HMGCLL1: variants seen among roughly 807,000 people sequenced by gnomAD.
HMGCLL1 encodes 3-hydroxymethyl-3-methylglutaryl-CoA lyase, cytoplasmic.
A neutral mutation model predicts 39.1 loss-of-function variants in HMGCLL1; 36 were observed. That is an observed-to-expected ratio of 0.92 (90% CI 0.71 to 1.22). The LOEUF (loss-of-function observed/expected upper bound fraction) is 1.22. Among genes scored for constraint, HMGCLL1 ranks in the 50% most tolerant of loss-of-function variants. HMGCLL1 has a pLI of 0.00. For missense variants in HMGCLL1, 451 were observed against 416.5 expected, an observed-to-expected ratio of 1.08 and a Z score of -0.72; for synonymous variants, 149 against 144.0, an observed-to-expected ratio of 1.03 and a Z score of -0.25.
At chr6:55,615,455 A>C in the HMGCLL1 span, among the ~76,000 whole-genome samples, 1 of 152,298 alleles carries the variant, frequency 6.6e-6, no homozygotes, top group African/African-American at 2.4e-5. Flanking sequence ...ATGTACTTGC[A>C]GGTGGAGTGT....
At position 55,472,734 on chromosome 6, in the gene HMGCLL1, G is replaced by T. The variant is rs114794875; in HGVS notation, c.795+22685C>A. Among the ~76,000 whole-genome samples the T allele has an allele frequency of 7.3e-3, 1,103 of 151,456 alleles. 9 individuals are homozygous for T. The highest frequency in any genetic ancestry group is 0.019 in the African/African-American group (793 of 41,442). On this transcript the variant is annotated intron_variant, in intron 7 of 8. Transcript: ENST00000274901. The stretch of plus-strand genomic sequence containing the variant: ...CATTAATATGTATTCTGATATTATT[G>T]TATGGATGATTCACAAATGTCAATT...
chr6:55,466,992 G>A (rs73746308), intron 7 of HMGCLL1, among the ~76,000 whole-genome samples: 1 of 151,782 alleles, frequency 6.6e-6, no homozygotes, highest in Non-Finnish European at 1.5e-5. Context: ...TATAATTTTA[G>A]CTTTGTTTAA....
chr6:55,450,877 T>A (rs144802341), intron 7 of HMGCLL1, among the ~76,000 whole-genome samples: 292 of 152,278 alleles, frequency 1.9e-3, no homozygotes, highest in Non-Finnish European at 3.5e-3. Flanking sequence ...AGACAATACA[T>A]ATATCCCTTA....
chr6:55,554,849 T>C (rs2127467033), intron 1 of HMGCLL1, among the ~76,000 whole-genome samples: 1 of 152,350 alleles, frequency 6.6e-6, no homozygotes, highest in African/African-American at 2.4e-5. Context: ...TGAACTCATC[T>C]TTGATTCCTC....
intron 1 of HMGCLL1, among the ~76,000 whole-genome samples, chr6:55,553,750 T>C (rs1429799643): frequency 6.6e-6 from 1 of 152,270 alleles, no homozygotes; most frequent in East Asian, 1.9e-4. Context: ...TTTGCAAAAA[T>C]GGTAACTTAA....
At chr6:55,663,331 A>T in the HMGCLL1 span, among the ~76,000 whole-genome samples, 2 of 149,984 alleles carry the variant, frequency 1.3e-5, no homozygotes, top group East Asian at 1.9e-4. Context: ...AGTGCTATAA[A>T]TTTCCCTCTT....
chr6:55,558,017 C>G (rs957610459), intron 1 of HMGCLL1, among the ~76,000 whole-genome samples: 1 of 152,110 alleles, frequency 6.6e-6, no homozygotes, highest in Non-Finnish European at 1.5e-5. Context: ...GCTACAGAAC[C>G]CTGTCATGCT....
the HMGCLL1 span, among the ~76,000 whole-genome samples, chr6:55,597,279 TA>T: frequency 1.3e-5 from 2 of 152,116 alleles, no homozygotes; most frequent in Non-Finnish European, 2.9e-5. Flanking sequence ...TATATACTTT[TA>T]AAAAGATTAT....
chr6:55,591,329 T>A, the HMGCLL1 span, among the ~76,000 whole-genome samples: 1 of 151,946 alleles, frequency 6.6e-6, no homozygotes, highest in South Asian at 2.1e-4. Flanking sequence ...AAAAAACTCT[T>A]AATATCTTCA....
intron 3 of HMGCLL1, among the ~76,000 whole-genome samples, chr6:55,540,717 C>T (rs1191727001): frequency 6.6e-6 from 1 of 152,182 alleles, no homozygotes; most frequent in Admixed American, 6.6e-5. Flanking sequence ...AAGATTTGCA[C>T]TCCTGGCATA....
intron 3 of HMGCLL1, among the ~76,000 whole-genome samples, chr6:55,530,167 C>T (rs556540817): frequency 6.6e-6 from 1 of 152,088 alleles, no homozygotes; most frequent in East Asian, 1.9e-4. Flanking sequence ...ATGCATCCAT[C>T]TTGACTGATA....
intron 3 of HMGCLL1, among the ~76,000 whole-genome samples, chr6:55,529,708 C>T (rs1160809822): frequency 2.0e-5 from 3 of 152,104 alleles, no homozygotes; most frequent in South Asian, 2.1e-4. Context: ...GATTTTAAAA[C>T]GCCATTTGTA....
chr6:55,511,423 G>A (rs182505746), intron 5 of HMGCLL1, among the ~76,000 whole-genome samples: 46 of 152,130 alleles, frequency 3.0e-4, no homozygotes, highest in Admixed American at 1.3e-3. Flanking sequence ...GAGTGTGTGG[G>A]GGGAATTTAA....
At chr6:55,578,146 C>A (rs1029764145) in intron 1 of HMGCLL1, among the ~76,000 whole-genome samples, 26 of 152,140 alleles carry the variant, frequency 1.7e-4, no homozygotes, top group Admixed American at 9.2e-4. Flanking sequence ...GTATCCAGCA[C>A]CTGTAATTTA....
intron 3 of HMGCLL1, among the ~76,000 whole-genome samples, chr6:55,528,337 A>C (rs1259882449): frequency 6.6e-6 from 1 of 152,076 alleles, no homozygotes; most frequent in Admixed American, 6.6e-5. Flanking sequence ...CCTATAACTC[A>C]AAACTCAATT....
At chr6:55,536,301 G>A (rs935232235) in intron 3 of HMGCLL1, among the ~76,000 whole-genome samples, 1 of 152,032 alleles carries the variant, frequency 6.6e-6, no homozygotes, top group African/African-American at 2.4e-5. Flanking sequence ...GCTAATGAGG[G>A]AGCAAATATT....
chr6:55,631,590 G>A, the HMGCLL1 span, among the ~76,000 whole-genome samples: 1 of 152,138 alleles, frequency 6.6e-6, no homozygotes, highest in African/African-American at 2.4e-5. Flanking sequence ...TTTTCATTAA[G>A]CCTCGTGATC....
At chr6:55,650,991 C>T in the HMGCLL1 span, among the ~76,000 whole-genome samples, 2 of 152,074 alleles carry the variant, frequency 1.3e-5, no homozygotes, top group African/African-American at 4.8e-5. Context: ...AGAGCTTCAG[C>T]CTGGACTTGG....
the HMGCLL1 span, among the ~76,000 whole-genome samples, chr6:55,641,404 T>TA: frequency 6.6e-6 from 1 of 152,028 alleles, no homozygotes; most frequent in African/African-American, 2.4e-5. Context: ...AGTTGCATAG[T>TA]AATAGGTATA....
Sources: allele counts gnomAD v4.1 joint callset (sites outside exome capture counted in the v4.1 genomes callset), GRCh38; gene constraint gnomAD v4.1.1; transcripts MANE v1.5; gene names NCBI Gene and HGNC (gene_info 2026-07-23, HGNC 2026-07-21).